The following FUS variants were observed in gnomAD, a reference collection of about 807,000 sequenced individuals.
FUS encodes FUS RNA binding protein.
FUS carries 5 observed loss-of-function variants against 82.7 expected under a neutral mutation model. That is an observed-to-expected ratio of 0.06 (90% CI 0.03 to 0.13). The LOEUF (loss-of-function observed/expected upper bound fraction) is 0.13. Among genes scored for constraint, FUS ranks in the 10% least tolerant of loss-of-function variants. FUS has a pLI of 1.00. For missense variants in FUS, 512 were observed against 707.8 expected, an observed-to-expected ratio of 0.72 and a Z score of 3.14; for synonymous variants, 281 against 247.4, an observed-to-expected ratio of 1.14 and a Z score of -1.27.
At chr16:31,185,560 T>G in intron 6 of FUS, 1 of 544,126 alleles carries the variant, frequency 1.8e-6, no homozygotes, top group East Asian at 4.0e-5. Context: ...AAACTTGGTA[T>G]GTGTATTCCC....
chr16:31,192,259 G>C (rs772063399), downstream of FUS: 133 of 526,596 alleles, frequency 2.5e-4, no homozygotes, highest in Middle Eastern at 1.6e-3. Flanking sequence ...TGATTGGAGG[G>C]TGGAAGGCCC....
rs1263554640 is a variant in FUS at position 31,188,098 on chromosome 16, CTG to C, written c.800-224_800-223del. The C allele has an allele frequency of 6.7e-6, 4 of 593,208 alleles. No individual in the cohort carries two copies. The Admixed American group carries it at 9.0e-5, about 13-fold the overall frequency. 36.7% of individuals were successfully genotyped at this position (593,208 alleles called of 1,614,324 possible). ...CATTTGCTGAAGTGTGGAGTTGTCT[CTG>C]TGGAGACTCAAGTTACAGATCTTAA... On this transcript the variant is annotated intron_variant, in intron 7 of 14. Coordinates refer to ENST00000254108, the MANE Select transcript of FUS (RefSeq NM_004960.4).
intron 8 of FUS, 91 bp from the exon 9 acceptor site, chr16:31,189,032 A>G (rs1224643629): frequency 9.9e-6 from 9 of 909,100 alleles, no homozygotes; most frequent in Non-Finnish European, 1.7e-5. Flanking sequence ...AAATGATACC[A>G]GTTGCTTGAT....
Position 31,185,096 on chromosome 16 carries a change from C to CGGCGGT in FUS, c.684_689dup (p.Gly230_Gly231dup). 9 of 1,604,954 alleles carry CGGCGGT rather than the reference C, an allele frequency of 5.6e-6. No homozygotes were observed. The highest frequency in any genetic ancestry group is 4.0e-5 in the African/African-American group (3 of 74,816). On this transcript the variant is annotated inframe_insertion, in exon 6 of 15. Coordinates refer to ENST00000254108, the MANE Select transcript of FUS (RefSeq NM_004960.4). ...GTGGCAGTGGTGGCGGCGGCGGCGG[C>CGGCGGT]GGCGGTGGTGGTTACAACCGCAGCA...
downstream of FUS, chr16:31,194,460 AT>A (rs537105620): frequency 2.4e-4 from 119 of 498,042 alleles, no homozygotes; most frequent in East Asian, 5.4e-4. Flanking sequence ...TGACTGGCTA[AT>A]TTTTTTTTGT....
At chr16:31,194,413 G>C (rs1376436989), downstream of FUS, 1 of 509,668 alleles carries the variant, frequency 2.0e-6, no homozygotes, top group Admixed American at 2.3e-5. Context: ...CTCAGCCTCT[G>C]GAGTAGCTGG....
chr16:31,189,265 G>C (rs1289632778), intron 9 of FUS, 39 bp downstream of exon 9: 1 of 1,405,952 alleles, frequency 7.1e-7, no homozygotes, highest in Non-Finnish European at 1.0e-6. Context: ...TGTCAGTGTT[G>C]TAGGCTTGTG....
intron 7 of FUS, 81 bp downstream of exon 7, chr16:31,186,917 T>C: frequency 7.3e-7 from 1 of 1,373,242 alleles, no homozygotes; most frequent in Non-Finnish European, 1.0e-6. Context: ...CTTAGCGTGT[T>C]AATTTAAATG....
chr16:31,193,472 GGATTCTAATCTT>G (rs757403453), downstream of FUS: 1 of 528,316 alleles, frequency 1.9e-6, no homozygotes. Flanking sequence ...TTGCCTAGCA[GGATTCTAATCTT>G]GCTTTGGTTG....
intron 8 of FUS, 76 bp downstream of exon 8, chr16:31,188,433 T>C: frequency 6.6e-7 from 1 of 1,508,190 alleles, no homozygotes; most frequent in Non-Finnish European, 9.2e-7. Flanking sequence ...TTGAAACTAT[T>C]ATAAAAAGGA....
At chr16:31,192,248 T>A (rs1272509137), downstream of FUS, 1 of 526,156 alleles carries the variant, frequency 1.9e-6, no homozygotes, top group Admixed American at 2.2e-5. Flanking sequence ...TGATCCCTTT[T>A]TGATTGGAGG....
In FUS at chr16:31,182,420, A is replaced by T; in HGVS notation, c.36A>T (p.Gln12His). Reference protein sequence around the residue: ...ASNDYTQQATQSYGAYPTQPG... With the variant: ...ASNDYTQQATHSYGAYPTQPG... ...CAGATTATACCCAACAAGCAACCCA[A>T]AGGTGAGTGCTATTTTTGGGCTTCC... is the stretch of plus-strand genomic sequence containing the variant. Residue 12 changes from glutamine (Q) to histidine (H), a missense_variant and splice_region_variant, in exon 2 of 15, where the codon CAA (glutamine) becomes CAT (histidine). This residue lies in a region of FUS where 276 missense variants were observed against 303.3 expected (regional missense o/e 0.91). Coordinates refer to ENST00000254108, the MANE Select transcript of FUS (RefSeq NM_004960.4). 6.2e-7 allele frequency: 1 copy of T among 1,614,236 alleles called. No individual in the cohort carries two copies. The highest frequency in any genetic ancestry group is 1.3e-5 in the African/African-American group (1 of 75,060).
downstream of FUS, chr16:31,194,699 T>TA (rs1363080787): frequency 2.1e-6 from 1 of 486,608 alleles, no homozygotes; most frequent in East Asian, 4.8e-5. Flanking sequence ...ATCAGGCTAA[T>TA]ATATCCATCA....
intron 11 of FUS, 56 bp downstream of exon 11, chr16:31,190,197 G>C: frequency 6.2e-7 from 1 of 1,613,934 alleles, no homozygotes; most frequent in Non-Finnish European, 8.5e-7. Flanking sequence ...GCAGAAGATG[G>C]TAAAGGCTTG....
At position 31,190,295 on chromosome 16, in the gene FUS, T is replaced by G. The variant is rs1402838681; in HGVS notation, c.1189T>G (p.Tyr397Asp). ...GRGGPMGRGGYGGGGSGGGGR... is the reference protein window; with the variant it reads ...GRGGPMGRGGDGGGGSGGGGR... Reference sequence around the variant, plus strand: ...ATTAGGACCCATGGGCCGTGGAGGCTATGGAGGTGGTGGCAGTGGTGGTGG... The same window carrying G: ...ATTAGGACCCATGGGCCGTGGAGGCGATGGAGGTGGTGGCAGTGGTGGTGG... The change falls in exon 12 of 15, where the codon TAT becomes GAT. Residue 397 changes from tyrosine to aspartate, a missense_variant. Physicochemically the swap from Tyr to Asp is radical, Grantham distance 160. Transcript: ENST00000254108. The G allele has an allele frequency of 6.2e-7, 1 of 1,613,882 alleles. No individual in the cohort carries two copies. Among genetic ancestry groups the G allele is most frequent in the East Asian group, 2.2e-5 (1 of 44,894 alleles).
intron 10 of FUS, 50 bp from the exon 11 acceptor site, chr16:31,189,990 A>G: frequency 1.9e-6 from 3 of 1,573,042 alleles, no homozygotes; most frequent in Non-Finnish European, 2.6e-6. Context: ...GTATTTTCGG[A>G]TTAATGTGTC....
At chr16:31,194,846 G>T (rs1440701631), downstream of FUS, 2 of 476,518 alleles carry the variant, frequency 4.2e-6, no homozygotes, top group Non-Finnish European at 8.4e-6. Flanking sequence ...AACAAAAAAT[G>T]ATTGACTTCA....
At chr16:31,191,164 A>T (rs1391441233) in intron 14 of FUS, 54 bp downstream of exon 14, 81 of 1,600,836 alleles carry the variant, frequency 5.1e-5, no homozygotes, top group Non-Finnish European at 6.6e-5. Flanking sequence ...AGGCCATAGG[A>T]TAACAGGGTT....
chr16:31,182,163 G>T, intron 1 of FUS: 1 of 535,806 alleles, frequency 1.9e-6, no homozygotes, highest in Middle Eastern at 3.6e-4. Flanking sequence ...CTAATTTTTT[G>T]TATTTTTATT....
Sources: allele counts gnomAD v4.1 joint callset, GRCh38; gene constraint gnomAD v4.1.1; regional missense constraint gnomAD v4.1.1; transcripts MANE v1.5; gene names NCBI Gene and HGNC (gene_info 2026-07-23, HGNC 2026-07-21).